DLG2: variants seen among roughly 807,000 people sequenced by gnomAD.
DLG2 encodes discs large MAGUK scaffold protein 2.
In DLG2, 45 loss-of-function variants were observed where a neutral mutation model predicts 132.5. That is an observed-to-expected ratio of 0.34 (90% CI 0.27 to 0.44). The LOEUF (loss-of-function observed/expected upper bound fraction) is 0.44. Among genes scored for constraint, DLG2 ranks in the 20% least tolerant of loss-of-function variants. The pLI is 1.00. For synonymous variants in DLG2, 424 were observed against 419.6 expected (o/e 1.01, Z -0.13); for missense variants, 1,045 against 1,196.9 (o/e 0.87, Z 1.87).
chr11:83,567,179 TC>T (rs1184555359), intron 19 of DLG2, among the ~76,000 whole-genome samples: 15 of 152,164 alleles, frequency 9.9e-5, no homozygotes, highest in Non-Finnish European at 2.2e-4. Flanking sequence ...AGCTCAGCAT[TC>T]TCAACCTCAG....
At chr11:84,848,825 G>C (rs2081834338) in intron 6 of DLG2, among the ~76,000 whole-genome samples, 2 of 152,192 alleles carry the variant, frequency 1.3e-5, no homozygotes, top group Non-Finnish European at 2.9e-5. Flanking sequence ...GTGTTAGCTA[G>C]TCTTAATGAT....
intron 6 of DLG2, among the ~76,000 whole-genome samples, chr11:84,714,633 CTCTCTCTCTCTCTT>C: frequency 1.4e-5 from 2 of 142,662 alleles, no homozygotes; most frequent in African/African-American, 5.5e-5. Flanking sequence ...TTCTCTCTCT[CTCTCTCTCTCTCTT>C]TCTCTCTCTC....
intron 3 of DLG2, among the ~76,000 whole-genome samples, chr11:85,493,136 A>G (rs1336040718): frequency 6.6e-6 from 1 of 152,222 alleles, no homozygotes; most frequent in African/African-American, 2.4e-5. Flanking sequence ...TTATGAACTG[A>G]GTACTGATGA....
intron 6 of DLG2, among the ~76,000 whole-genome samples, chr11:84,855,523 A>C (rs2082668531): frequency 6.6e-6 from 1 of 152,048 alleles, no homozygotes; most frequent in African/African-American, 2.4e-5. Flanking sequence ...CCATATTTCT[A>C]GAAGCAAACA....
intron 6 of DLG2, among the ~76,000 whole-genome samples, chr11:85,041,729 C>T (rs926005753): frequency 4.0e-5 from 6 of 151,800 alleles, no homozygotes; most frequent in Admixed American, 3.9e-4. Context: ...GGATGCAAAA[C>T]CAATGACATT....
intron 10 of DLG2, among the ~76,000 whole-genome samples, chr11:84,071,331 C>T (rs2096753419): frequency 6.6e-6 from 1 of 152,022 alleles, no homozygotes. Context: ...TCACAAACTC[C>T]TGAGCTCAAG....
intron 6 of DLG2, among the ~76,000 whole-genome samples, chr11:84,598,845 G>T (rs898926560): frequency 3.3e-5 from 5 of 152,008 alleles, no homozygotes; most frequent in African/African-American, 7.3e-5. Flanking sequence ...GGAGGCTGAA[G>T]GGGAAGGATT....
intron 8 of DLG2, among the ~76,000 whole-genome samples, chr11:84,219,709 T>A (rs1343231857): frequency 2.0e-5 from 3 of 152,166 alleles, no homozygotes; most frequent in Admixed American, 2.0e-4. Flanking sequence ...ACTGTCTTCC[T>A]CCCCAAAGCT....
chr11:84,759,252 T>G (rs1399609408), intron 6 of DLG2, among the ~76,000 whole-genome samples: 2 of 152,158 alleles, frequency 1.3e-5, no homozygotes, highest in Non-Finnish European at 2.9e-5. Flanking sequence ...TAGATGTGAA[T>G]AAAATTCTCA....
At chr11:85,491,003 T>A (rs2093548054) in intron 3 of DLG2, among the ~76,000 whole-genome samples, 1 of 152,016 alleles carries the variant, frequency 6.6e-6, no homozygotes, top group African/African-American at 2.4e-5. Flanking sequence ...CCCTGATGAA[T>A]ATATACATAA....
chr11:85,065,759 T>C (rs2064821478), intron 6 of DLG2, among the ~76,000 whole-genome samples: 1 of 150,934 alleles, frequency 6.6e-6, no homozygotes, highest in Non-Finnish European at 1.5e-5. Context: ...AAAAAATATA[T>C]ATTAAAGAAA....
At chr11:84,714,147 T>C (rs1039444966) in intron 6 of DLG2, among the ~76,000 whole-genome samples, 1 of 150,778 alleles carries the variant, frequency 6.6e-6, no homozygotes, top group Non-Finnish European at 1.5e-5. Flanking sequence ...TTTTTTCTAA[T>C]ATATTTCAAT....
At chr11:84,651,301 A>T (rs1304715382) in intron 6 of DLG2, among the ~76,000 whole-genome samples, 1 of 152,116 alleles carries the variant, frequency 6.6e-6, no homozygotes, top group Non-Finnish European at 1.5e-5. Context: ...TTCCAACTAT[A>T]AGAGTTAAAC....
chr11:85,614,582 G>A (rs1157665558), intron 2 of DLG2, among the ~76,000 whole-genome samples: 1 of 152,226 alleles, frequency 6.6e-6, no homozygotes, highest in African/African-American at 2.4e-5. Context: ...AGAGGTTGCA[G>A]TAAGCCAAAA....
chr11:85,070,204 A>G (rs1363786010), intron 6 of DLG2, among the ~76,000 whole-genome samples: 1 of 151,858 alleles, frequency 6.6e-6, no homozygotes, highest in African/African-American at 2.4e-5. Context: ...CCTAATGTAA[A>G]TGACGAGTTA....
At chr11:85,128,158 T>C (rs763733549) in intron 5 of DLG2, among the ~76,000 whole-genome samples, 7 of 152,170 alleles carry the variant, frequency 4.6e-5, no homozygotes, top group Non-Finnish European at 7.4e-5. Context: ...AATAGTACCA[T>C]CATGCCTTTA....
chr11:84,426,368 T>C (rs561821568), intron 7 of DLG2, among the ~76,000 whole-genome samples: 1 of 152,286 alleles, frequency 6.6e-6, no homozygotes. Context: ...CATGAGAAGT[T>C]ACTGTAGCAT....
At chr11:85,192,002 G>C (rs1339725312) in intron 4 of DLG2, among the ~76,000 whole-genome samples, 1 of 152,114 alleles carries the variant, frequency 6.6e-6, no homozygotes, top group Non-Finnish European at 1.5e-5. Context: ...TTACAAATAA[G>C]AGAAATGAAG....
chr11:84,059,526 AG>A (rs773259162), intron 10 of DLG2, 42 bp from the exon 11 acceptor site: 7 of 1,439,966 alleles, frequency 4.9e-6, no homozygotes, highest in Non-Finnish European at 6.5e-6. Flanking sequence ...AGTGGCTAGC[AG>A]GATTTCTTAA....
Sources: gnomAD v4.1 joint callset for allele counts (sites outside exome capture counted in the v4.1 genomes callset) on GRCh38, gnomAD v4.1.1 for gene constraint, MANE v1.5 for transcripts, NCBI Gene and HGNC (gene_info 2026-07-23, HGNC 2026-07-21) for gene names.